QTMAN: variants seen among roughly 807,000 people sequenced by gnomAD.
QTMAN encodes queuosine-tRNA mannosyltransferase, also known as tRNA-queuosine alpha-mannosyltransferase.
chr2:144,141,999 G>A, the QTMAN span: 1 of 1,609,382 alleles, frequency 6.2e-7, no homozygotes, highest in Non-Finnish European at 8.5e-7. Flanking sequence ...TCCCATGGAA[G>A]TGAGAAATGA....
the QTMAN span, among the ~76,000 whole-genome samples, chr2:144,331,979 G>A: frequency 6.6e-6 from 1 of 152,172 alleles, no homozygotes; most frequent in South Asian, 2.1e-4. Context: ...GGTCGGCGAA[G>A]CACCCCAGCC....
chr2:144,104,554 T>C, the QTMAN span, among the ~76,000 whole-genome samples: 1 of 151,536 alleles, frequency 6.6e-6, no homozygotes, highest in Non-Finnish European at 1.5e-5. Context: ...GCAGTGAGGC[T>C]GGGGGAGGGG....
the QTMAN span, among the ~76,000 whole-genome samples, chr2:144,328,221 G>C: frequency 2.6e-5 from 4 of 152,278 alleles, no homozygotes; most frequent in Admixed American, 1.3e-4. Flanking sequence ...AAAGTGCTGA[G>C]ATTACAAGCA....
At chr2:143,964,931 A>G in the QTMAN span, among the ~76,000 whole-genome samples, 1 of 152,214 alleles carries the variant, frequency 6.6e-6, no homozygotes, top group Admixed American at 6.5e-5. Flanking sequence ...CATGGAAAGA[A>G]GAACGCTTGT....
chr2:143,995,858 C>T, the QTMAN span, among the ~76,000 whole-genome samples: 8 of 152,088 alleles, frequency 5.3e-5, no homozygotes, highest in Non-Finnish European at 1.0e-4. Context: ...GAAATCTCCA[C>T]GTGTCTAGAA....
chr2:144,213,185 T>C, the QTMAN span, among the ~76,000 whole-genome samples: 1 of 152,188 alleles, frequency 6.6e-6, no homozygotes, highest in Admixed American at 6.5e-5. Context: ...TATTTTTAAA[T>C]TTTTATTAAA....
At chr2:144,019,882 T>TC in the QTMAN span, among the ~76,000 whole-genome samples, 1 of 152,208 alleles carries the variant, frequency 6.6e-6, no homozygotes, top group Non-Finnish European at 1.5e-5. Flanking sequence ...TAAACTGACT[T>TC]AGTGAAACTG....
chr2:144,179,479 A>G, the QTMAN span, among the ~76,000 whole-genome samples: 1 of 152,174 alleles, frequency 6.6e-6, no homozygotes, highest in African/African-American at 2.4e-5. Flanking sequence ...TGATTTAGAT[A>G]TATTTTTCAA....
At chr2:144,008,381 A>G in the QTMAN span, among the ~76,000 whole-genome samples, 322 of 152,178 alleles carry the variant, frequency 2.1e-3, 4 homozygotes, top group African/African-American at 7.4e-3. Context: ...ATAAAGGCTT[A>G]AAGAAGGCTT....
At chr2:143,938,383 G>A in the QTMAN span, 2 of 152,046 alleles carry the variant, frequency 1.3e-5, no homozygotes, top group Admixed American at 1.3e-4. Flanking sequence ...GTCCACCCGC[G>A]GACCATTAAA....
At chr2:143,958,662 T>C in the QTMAN span, among the ~76,000 whole-genome samples, 1 of 152,132 alleles carries the variant, frequency 6.6e-6, no homozygotes, top group Non-Finnish European at 1.5e-5. Context: ...TTTAACCTTC[T>C]TTGTGCTATG....
the QTMAN span, among the ~76,000 whole-genome samples, chr2:144,003,165 G>A: frequency 6.6e-6 from 1 of 151,662 alleles, no homozygotes; most frequent in East Asian, 1.9e-4. Flanking sequence ...ACATTGATAG[G>A]TATAATCCCA....
At chr2:144,299,398 T>G in the QTMAN span, among the ~76,000 whole-genome samples, 1 of 152,216 alleles carries the variant, frequency 6.6e-6, no homozygotes, top group Non-Finnish European at 1.5e-5. Flanking sequence ...TAGAAGCATG[T>G]GTTGAATACT....
the QTMAN span, among the ~76,000 whole-genome samples, chr2:143,949,853 T>A: frequency 6.6e-6 from 1 of 151,820 alleles, no homozygotes; most frequent in African/African-American, 2.4e-5. Flanking sequence ...TTTTTCTGTT[T>A]TAGCTTTAAA....
At chr2:144,016,115 T>C in the QTMAN span, among the ~76,000 whole-genome samples, 1 of 152,136 alleles carries the variant, frequency 6.6e-6, no homozygotes, top group African/African-American at 2.4e-5. Flanking sequence ...CAAATATTCA[T>C]TCAAAAAATA....
the QTMAN span, among the ~76,000 whole-genome samples, chr2:144,153,574 C>T: frequency 1.3e-5 from 2 of 152,074 alleles, no homozygotes; most frequent in Non-Finnish European, 2.9e-5. Context: ...GCCTGTAGTC[C>T]CAGTTACTTG....
the QTMAN span, among the ~76,000 whole-genome samples, chr2:144,118,475 A>T: frequency 6.6e-6 from 1 of 152,228 alleles, no homozygotes; most frequent in African/African-American, 2.4e-5. Context: ...AAAACACAGG[A>T]TATGTCTTAT....
chr2:144,279,357 C>T, the QTMAN span, among the ~76,000 whole-genome samples: 1 of 145,254 alleles, frequency 6.9e-6, no homozygotes, highest in Admixed American at 6.9e-5. Context: ...CCCTCTACTG[C>T]ATCTCCTCAC....
chr2:144,122,645 C>G, the QTMAN span, among the ~76,000 whole-genome samples: 17 of 152,302 alleles, frequency 1.1e-4, no homozygotes, highest in East Asian at 3.3e-3. Flanking sequence ...AAACTCTCCT[C>G]TGTATTAGGA....
Sources: gnomAD v4.1 joint callset for allele counts (sites outside exome capture counted in the v4.1 genomes callset) on GRCh38, gnomAD v4.1.1 for gene constraint, MANE v1.5 for transcripts, NCBI Gene and HGNC (gene_info 2026-07-23, HGNC 2026-07-21) for gene names.